The following GTSE1 variants were observed in gnomAD, a reference collection of about 807,000 sequenced individuals.
GTSE1 encodes the protein G2 and S phase-expressed protein 1.
GTSE1 carries 52 observed loss-of-function variants against 60.5 expected under a neutral mutation model. The observed-to-expected ratio is 0.86, with a 90% CI of 0.69 to 1.08. GTSE1 has a LOEUF of 1.08. GTSE1 is among the 50% of genes least tolerant of loss of function. GTSE1 has a pLI of 0.00. For missense variants in GTSE1, 937 were observed against 961.8 expected, an observed-to-expected ratio of 0.97 and a Z score of 0.34; for synonymous variants, 368 against 386.5, an observed-to-expected ratio of 0.95 and a Z score of 0.56.
rs1241820129 is a variant in GTSE1, at chr22:46,319,292, G to C, written c.1432+2880G>C. On this transcript the variant is annotated intron_variant, in intron 7 of 11. Coordinates refer to ENST00000454366, the MANE Select transcript of GTSE1 (RefSeq NM_016426.7). The surrounding 1 kb of genome is among the most constrained non-coding windows in gnomAD (Gnocchi z 5.0). ...AGCAGAGCGACTTGACCTTCAGAAG[G>C]TCCCTCCACAGAGGGAAGAGCAGAG... Among the ~76,000 whole-genome samples, 1 of 152,150 alleles carries C rather than the reference G, an allele frequency of 6.6e-6. No individual in the cohort carries two copies. Among genetic ancestry groups the C allele is most frequent in the Non-Finnish European group, 1.5e-5 (1 of 68,028 alleles).
chr22:46,325,106 G>C (rs1457395196), intron 8 of GTSE1, among the ~76,000 whole-genome samples: 1 of 152,208 alleles, frequency 6.6e-6, no homozygotes, highest in African/African-American at 2.4e-5. Context: ...TGCAGATTTG[G>C]TGTCTGGTGA....
At position 46,309,094 on chromosome 22, in the gene GTSE1, A is replaced by C; in HGVS notation, c.762+151A>C. ...GCGGAGTCCAGGAAAAGCAGTTGCCAATAGGGAGCTGATGTGGGGGTGGCT... is the reference window on the plus strand; with the variant it reads ...GCGGAGTCCAGGAAAAGCAGTTGCCCATAGGGAGCTGATGTGGGGGTGGCT... On this transcript the variant is annotated intron_variant, in intron 4 of 11. Coordinates refer to ENST00000454366, the MANE Select transcript of GTSE1 (RefSeq NM_016426.7). This position sits in a 1 kb window ranked among gnomAD's most constrained non-coding sequence, Gnocchi z 6.2. 1 of 847,664 alleles carries C rather than the reference A, an allele frequency of 1.2e-6. No individual in the cohort carries two copies. Among genetic ancestry groups the C allele is most frequent in the Admixed American group, 3.0e-5 (1 of 33,058 alleles). The allele number at this position is 847,664 out of a possible 1,614,324, so 52.5% of individuals were successfully genotyped here.
chr22:46,303,594 C>A (rs2077701217), intron 2 of GTSE1, among the ~76,000 whole-genome samples: 1 of 152,200 alleles, frequency 6.6e-6, no homozygotes, highest in Non-Finnish European at 1.5e-5. Flanking sequence ...ATGTCATTGC[C>A]ACGTGCCTGG....
chr22:46,309,810 T>TC lies in GTSE1; in HGVS notation c.762+869dup, dbSNP rs2077738367. ...CCCCCAACAGCTGGGGCCTGCAAAC[T>TC]CCTTTATTTGGAGCCCGTTTGGGAT... On this transcript the variant is annotated intron_variant, in intron 4 of 11. Coordinates refer to ENST00000454366, the MANE Select transcript of GTSE1 (RefSeq NM_016426.7). This position sits in a 1 kb window ranked among gnomAD's most constrained non-coding sequence, Gnocchi z 6.2. Among the ~76,000 whole-genome samples the TC allele has an allele frequency of 6.6e-6, 1 of 152,078 alleles. No individual in the cohort carries two copies. The highest frequency in any genetic ancestry group is 1.5e-5 in the Non-Finnish European group (1 of 67,998).
In GTSE1 at chr22:46,328,905, G is replaced by A. The variant is rs1264092868; in HGVS notation, c.1926+16G>A. On this transcript the variant is annotated intron_variant, in intron 10 of 11. Coordinates refer to ENST00000454366, the MANE Select transcript of GTSE1 (RefSeq NM_016426.7). ...CCCTAGTGAGGTGGGCAGAACGGGC[G>A]CAGCTGGGTTCTGTTAGCTGAGATT... 1.1e-5 allele frequency: 17 copies of A among 1,596,410 alleles called. No individual in the cohort carries two copies. The highest frequency in any genetic ancestry group is 1.7e-5 in the Admixed American group (1 of 59,922).
At position 46,316,744 on chromosome 22, in the gene GTSE1, T is replaced by G. The variant is rs2147824617; in HGVS notation, c.1432+332T>G. Among the ~76,000 whole-genome samples, 1 of 152,306 alleles carries G rather than the reference T, an allele frequency of 6.6e-6. No individual in the cohort carries two copies. The highest frequency in any genetic ancestry group is 2.4e-5 in the African/African-American group (1 of 41,558). On this transcript the variant is annotated intron_variant, in intron 7 of 11. Coordinates refer to ENST00000454366, the MANE Select transcript of GTSE1 (RefSeq NM_016426.7). This position sits in a 1 kb window ranked among gnomAD's most constrained non-coding sequence, Gnocchi z 5.0. ...TATCCCGCTGAGGGTTTCTTAAGCT[T>G]CTTTGATCTGTGGGTTGGTTTTTTT...
At chr22:46,306,696 C>T (rs1250118054) in intron 2 of GTSE1, among the ~76,000 whole-genome samples, 2 of 151,932 alleles carry the variant, frequency 1.3e-5, no homozygotes, top group Non-Finnish European at 2.9e-5. Context: ...CCACGTTGGC[C>T]AGGCTGATCT....
At position 46,310,026 on chromosome 22, in the gene GTSE1, G is replaced by A. The variant is rs529321933; in HGVS notation, c.762+1083G>A. On this transcript the variant is annotated intron_variant, in intron 4 of 11. Coordinates refer to ENST00000454366, the MANE Select transcript of GTSE1 (RefSeq NM_016426.7). This position sits in a 1 kb window ranked among gnomAD's most constrained non-coding sequence, Gnocchi z 4.4. ...TCCTGGTCCTGGGTGGTGAGCTGGG[G>A]TCCAGAGAGCTTGTTCCCAGTGGAC... Among the ~76,000 whole-genome samples, 2 of 152,340 alleles carry A rather than the reference G, an allele frequency of 1.3e-5. No homozygotes were observed. The highest frequency in any genetic ancestry group is 4.1e-4 in the South Asian group (2 of 4,830).
rs529365715 is a variant in GTSE1 at position 46,320,315 on chromosome 22, G to A, written c.1433-2875G>A. Among the ~76,000 whole-genome samples, 564 of 152,288 alleles carry A rather than the reference G, an allele frequency of 3.7e-3. 4 individuals are homozygous for A. The highest frequency in any genetic ancestry group is 4.4e-3 in the Non-Finnish European group (301 of 68,022). On this transcript the variant is annotated intron_variant, in intron 7 of 11. Coordinates refer to ENST00000454366, the MANE Select transcript of GTSE1 (RefSeq NM_016426.7). This position sits in a 1 kb window ranked among gnomAD's most constrained non-coding sequence, Gnocchi z 7.1. ...GATGTGCATTTCACCTTCGGCAGGC[G>A]GTTCCTCCTCTCTCCACAATGCTGG... is the stretch of plus-strand genomic sequence containing the variant.
chr22:46,307,866 C>G (rs1350418283), intron 2 of GTSE1, among the ~76,000 whole-genome samples: 1 of 151,628 alleles, frequency 6.6e-6, no homozygotes, highest in Non-Finnish European at 1.5e-5. Context: ...AACCCCAACA[C>G]TTTGGGAGGC....
In GTSE1 at chr22:46,326,637, C is replaced by T. The variant is rs757861102; in HGVS notation, c.1707C>T (p.Arg569=). Residue 569 remains arginine, a synonymous_variant, in exon 9 of 12, where the codon CGC becomes CGT. Coordinates refer to ENST00000454366, the MANE Select transcript of GTSE1 (RefSeq NM_016426.7). The part of the protein sequence containing the change: ...VPARRRSSEP[R]KNSAMRTEPT... ...CTCGGAGACGTTCCTCTGAGCCCCGCAAGAACTCTGCAATGAGGTAAGACA... is the reference window on the plus strand; with the variant it reads ...CTCGGAGACGTTCCTCTGAGCCCCGTAAGAACTCTGCAATGAGGTAAGACA... 6.2e-7 allele frequency: 1 copy of T among 1,610,116 alleles called. No individual in the cohort carries two copies. Among genetic ancestry groups the T allele is most frequent in the Non-Finnish European group, 8.5e-7 (1 of 1,177,700 alleles).
Position 46,329,239 on chromosome 22 carries a change from C to T in GTSE1, c.1927-119C>T, listed in dbSNP as rs2077861998. On this transcript the variant is annotated intron_variant, in intron 10 of 11. Transcript: ENST00000454366. The surrounding 1 kb of genome is among the most constrained non-coding windows in gnomAD (Gnocchi z 6.4). ...GAGCCTCCTTCCACCAAGGCCCCGC[C>T]TGATTCCTTGGCTTTCCAAACCGCC... is the stretch of plus-strand genomic sequence containing the variant. 2 of 856,608 alleles carry T rather than the reference C, an allele frequency of 2.3e-6. No individual in the cohort carries two copies. Among genetic ancestry groups the T allele is most frequent in the East Asian group, 2.4e-5 (1 of 41,538 alleles). 53.1% of individuals were successfully genotyped at this position (856,608 alleles called of 1,614,324 possible).
At chr22:46,312,414 A>C in intron 5 of GTSE1, 109 bp downstream of exon 5, 1 of 1,045,086 alleles carries the variant, frequency 9.6e-7, no homozygotes, top group Non-Finnish European at 1.4e-6. Context: ...CCAAGGTGGG[A>C]GGATCACTTG....
rs1164849043 is a variant in GTSE1 at position 46,313,651 on chromosome 22, G to C, written c.928-239G>C. Among the ~76,000 whole-genome samples, 4 of 152,160 alleles carry C rather than the reference G, an allele frequency of 2.6e-5. No individual in the cohort carries two copies. The highest frequency in any genetic ancestry group is 2.6e-4 in the Admixed American group (4 of 15,280). On this transcript the variant is annotated intron_variant, in intron 5 of 11. Transcript: ENST00000454366. This position sits in a 1 kb window ranked among gnomAD's most constrained non-coding sequence, Gnocchi z 4.4. ...AGCCTCCCGAGTAGCTGGGACTACA[G>C]GTGCCTGCCACCATGCCCAGCTAGT... is the stretch of plus-strand genomic sequence containing the variant.
At position 46,313,716 on chromosome 22, in the gene GTSE1, C is replaced by G. The variant is rs1043643623; in HGVS notation, c.928-174C>G. Among the ~76,000 whole-genome samples, 2 of 152,200 alleles carry G rather than the reference C, an allele frequency of 1.3e-5. No homozygotes were observed. The highest frequency in any genetic ancestry group is 2.9e-5 in the Non-Finnish European group (2 of 68,046). ...TAGAGACAAGGTTTCACCATATTGG[C>G]CAGGCTGGTCTCAAACTCCTGACCT... On this transcript the variant is annotated intron_variant, in intron 5 of 11. Transcript: ENST00000454366. The surrounding 1 kb of genome is among the most constrained non-coding windows in gnomAD (Gnocchi z 4.4).
At chr22:46,301,415 G>A (rs1303531143) in intron 2 of GTSE1, among the ~76,000 whole-genome samples, 1 of 151,494 alleles carries the variant, frequency 6.6e-6, no homozygotes. Context: ...CTTGCCTATA[G>A]TTCATACATC....
chr22:46,312,299 A>C lies in GTSE1; in HGVS notation c.921A>C (p.Pro307=), dbSNP rs1417242955. 1 of 1,610,144 alleles carries C rather than the reference A, an allele frequency of 6.2e-7. No homozygotes were observed. Among genetic ancestry groups the C allele is most frequent in the Admixed American group, 1.7e-5 (1 of 59,192 alleles). The stretch of plus-strand genomic sequence containing the variant: ...AGGGCAAGCGGGCGATCCCTGTTCC[A>C]AACAAGGTGAGTTGGCTGCTGGGGC... ...LGQGKRAIPV[P]NKLGLKKTLL... The change falls in exon 5 of 12, where the codon CCA becomes CCC. Residue 307 remains proline, a synonymous_variant. Coordinates refer to ENST00000454366, the MANE Select transcript of GTSE1 (RefSeq NM_016426.7).
rs959733277 is a variant in GTSE1, at chr22:46,323,370, C to T, written c.1505+108C>T. ...GCAGCCTGGCCTGCGCATCTGGCTT[C>T]CACGCCAGTCTCTTGGGTGCAGGCC... On this transcript the variant is annotated intron_variant, in intron 8 of 11. Transcript: ENST00000454366. 59 of 837,492 alleles carry T rather than the reference C, an allele frequency of 7.0e-5. No homozygotes were observed. In the South Asian group the frequency reaches 7.9e-4, roughly 11 times the overall value. 51.9% of individuals were successfully genotyped at this position (837,492 alleles called of 1,614,324 possible).
Position 46,324,388 on chromosome 22 carries a change from G to A in GTSE1, c.1505+1126G>A, listed in dbSNP as rs1413224278. 2.0e-5 allele frequency among the ~76,000 whole-genome samples: 3 copies of A among 151,316 alleles called. No homozygotes were observed. The highest frequency in any genetic ancestry group is 4.4e-5 in the Non-Finnish European group (3 of 67,840). On this transcript the variant is annotated intron_variant, in intron 8 of 11. Transcript: ENST00000454366. The surrounding 1 kb of genome is among the most constrained non-coding windows in gnomAD (Gnocchi z 5.2). ...TTTCTTTTCTTTTCTTTTTTTTTGA[G>A]ACAGAGTCTCACTCTGTCACCCAGG...
Sources: allele counts gnomAD v4.1 joint callset (sites outside exome capture counted in the v4.1 genomes callset), GRCh38; gene constraint gnomAD v4.1.1; non-coding constraint Gnocchi (gnomAD v3.1); transcripts MANE v1.5; gene names NCBI Gene and HGNC (gene_info 2026-07-23, HGNC 2026-07-21).